The following ZFYVE28 variants were observed in gnomAD, a reference collection of about 807,000 sequenced individuals.
ZFYVE28 encodes the protein zinc finger FYVE-type containing 28.
In ZFYVE28, 40 loss-of-function variants were observed where a neutral mutation model predicts 82.1. The ratio of observed to expected loss-of-function variants is 0.49; its 90% CI spans 0.38 to 0.63. The LOEUF (loss-of-function observed/expected upper bound fraction) is 0.63. Ranked by LOEUF, ZFYVE28 falls within the 30% of genes least tolerant of loss-of-function variation. The probability of loss-of-function intolerance (pLI) is 0.00; values close to 1 mark genes in which losing one functional copy is unlikely to be tolerated. For synonymous variants in ZFYVE28, 612 were observed against 546.1 expected (o/e 1.12, Z -1.68); for missense variants, 1,321 against 1,242.1 (o/e 1.06, Z -0.96).
intron 8 of ZFYVE28, among the ~76,000 whole-genome samples, 166 bp from the exon 9 acceptor site, chr4:2,274,382 G>C (rs1376517018): frequency 6.6e-6 from 1 of 152,120 alleles, no homozygotes; most frequent in Admixed American, 6.5e-5. Context: ...CACCTAAAAT[G>C]TCCTCAGTGT....
At chr4:2,297,942 A>G (rs2108816299) in intron 8 of ZFYVE28, among the ~76,000 whole-genome samples, 1 of 134,902 alleles carries the variant, frequency 7.4e-6, no homozygotes, top group African/African-American at 2.9e-5. Flanking sequence ...ACAGCAGAGG[A>G]CGAGCAGTGA....
At chr4:2,382,994 C>T (rs1182712769) in intron 1 of ZFYVE28, among the ~76,000 whole-genome samples, 2 of 152,070 alleles carry the variant, frequency 1.3e-5, no homozygotes, top group African/African-American at 4.8e-5. Context: ...GAAAGGCCAG[C>T]CCCCATGATT....
chr4:2,305,404 G>A lies in ZFYVE28; in HGVS notation c.936C>T (p.Ala312=), dbSNP rs767345453. ...GPAALAPALS[A]PLPPEGPLSA... ...AGAGTGGCCCCTCAGGGGGGAGAGG[G>A]GCAGAGAGGGCAGGCGCCAGGGCAG... is the stretch of plus-strand genomic sequence containing the variant. Residue 312 remains alanine (A), a synonymous_variant, in exon 8 of 13, where the codon GCC becomes GCT. Coordinates refer to ENST00000290974, the MANE Select transcript of ZFYVE28 (RefSeq NM_020972.3). 4 of 1,612,782 alleles carry A rather than the reference G, an allele frequency of 2.5e-6. No homozygotes were observed. In the South Asian group the frequency reaches 3.3e-5, roughly 13 times the overall value.
chr4:2,393,227 T>C (rs552818333), intron 1 of ZFYVE28, among the ~76,000 whole-genome samples: 1 of 152,290 alleles, frequency 6.6e-6, no homozygotes, highest in East Asian at 1.9e-4. Context: ...GCATAAAAGA[T>C]CACTCCATTC....
At chr4:2,309,377 G>A (rs992347346) in intron 7 of ZFYVE28, among the ~76,000 whole-genome samples, 9 of 152,080 alleles carry the variant, frequency 5.9e-5, no homozygotes, top group South Asian at 2.1e-4. Flanking sequence ...CTGAGTCTTA[G>A]GTATTCTGTG....
intron 1 of ZFYVE28, chr4:2,364,890 G>A (rs976597765): frequency 2.5e-5 from 25 of 985,440 alleles, no homozygotes; most frequent in Non-Finnish European, 3.0e-5. Context: ...CGTGGACCCC[G>A]GAAGAGGCGG....
rs993706059 is a variant in ZFYVE28, at chr4:2,332,005, C to T, written c.701+3700G>A. The stretch of plus-strand genomic sequence containing the variant: ...AGCTGTTGACCCCCAGCGGTGCCTT[C>T]GCCACTGGGAGCCCCTCAGAAGGGG... On this transcript the variant is annotated intron_variant, in intron 6 of 12. Coordinates refer to ENST00000290974, the MANE Select transcript of ZFYVE28 (RefSeq NM_020972.3). This position sits in a 1 kb window ranked among gnomAD's most constrained non-coding sequence, Gnocchi z 4.7. Among the ~76,000 whole-genome samples the T allele has an allele frequency of 6.6e-6, 1 of 152,226 alleles. No homozygotes were observed. The highest frequency in any genetic ancestry group is 1.5e-5 in the Non-Finnish European group (1 of 68,032).
At chr4:2,355,903 CTT>C (rs1263082385) in intron 1 of ZFYVE28, among the ~76,000 whole-genome samples, 1 of 152,192 alleles carries the variant, frequency 6.6e-6, no homozygotes, top group African/African-American at 2.4e-5. Flanking sequence ...AAAAAGGACT[CTT>C]TATAATCACA....
rs976839287 is a variant in ZFYVE28 at position 2,394,229 on chromosome 4, G to A, written c.39+24056C>T. 2.0e-5 allele frequency among the ~76,000 whole-genome samples: 3 copies of A among 152,106 alleles called. No homozygotes were observed. Among genetic ancestry groups the A allele is most frequent in the African/African-American group, 7.2e-5 (3 of 41,400 alleles). ...GATCGGAAGGTCAACTGACGAGCAGGCGTAGTTCCATCTTTAACCTTTACT... is the reference window on the plus strand; with the variant it reads ...GATCGGAAGGTCAACTGACGAGCAGACGTAGTTCCATCTTTAACCTTTACT... On this transcript the variant is annotated intron_variant, in intron 1 of 12. Coordinates refer to ENST00000290974, the MANE Select transcript of ZFYVE28 (RefSeq NM_020972.3). The surrounding 1 kb of genome is among the most constrained non-coding windows in gnomAD (Gnocchi z 4.0).
intron 8 of ZFYVE28, among the ~76,000 whole-genome samples, chr4:2,297,498 G>T (rs939914965): frequency 1.3e-5 from 2 of 152,240 alleles, no homozygotes; most frequent in East Asian, 3.8e-4. Flanking sequence ...CGGGAGCGAG[G>T]TCATGAAGCG....
rs757997294 is a variant in ZFYVE28, at chr4:2,304,758, C to T, written c.1582G>A (p.Asp528Asn). ...GCCTCCTGGGTGGCGACCGCAGAGT[C>T]CAGGGAAGTGGGCGATTTGGGGTTG... ...IFNPKSPTSL[D>N]SAVATQEAAS... is the part of the protein sequence containing the mutation. The change falls in exon 8 of 13, where the codon GAC (aspartate) becomes AAC (asparagine). Residue 528 changes from aspartate to asparagine, a missense_variant. By Grantham distance (23) the Asp-to-Asn change is conservative. This residue lies in a region of ZFYVE28 where 978 missense variants were observed against 833.7 expected (regional missense o/e 1.17). Transcript: ENST00000290974. 506 of 1,612,606 alleles carry T rather than the reference C, an allele frequency of 3.1e-4. No homozygotes were observed. The highest frequency in any genetic ancestry group is 3.9e-4 in the Non-Finnish European group (466 of 1,179,958).
intron 8 of ZFYVE28, among the ~76,000 whole-genome samples, chr4:2,280,385 G>A (rs938533303): frequency 1.3e-5 from 2 of 152,140 alleles, no homozygotes; most frequent in Non-Finnish European, 2.9e-5. Context: ...GTGTGCACCT[G>A]TAGTACCAGC....
rs74965159 is a variant in ZFYVE28, at chr4:2,341,481, G to A, written c.315C>T (p.Ala105=). Residue 105 remains alanine (A), a synonymous_variant, in exon 3 of 13, where the codon GCC becomes GCT. Coordinates refer to ENST00000290974, the MANE Select transcript of ZFYVE28 (RefSeq NM_020972.3). The surrounding 1 kb of genome is among the most constrained non-coding windows in gnomAD (Gnocchi z 4.5). ...AACCCGGGTGGCCACCCGCTACCTC[G>A]GCACCGAACCACAGCTGGCCGGCCA... ...DNLAGQLWFG[A]ECLAAGSIIM... 3.7e-5 allele frequency: 59 copies of A among 1,612,546 alleles called. No homozygotes were observed. The highest frequency in any genetic ancestry group is 1.0e-4 in the Admixed American group (6 of 59,982).
At chr4:2,271,049 G>T in intron 12 of ZFYVE28, 193 bp from the exon 13 acceptor site, 1 of 845,696 alleles carries the variant, frequency 1.2e-6, no homozygotes, top group Non-Finnish European at 1.8e-6. Context: ...CACCAAGGCT[G>T]CTGCAGGCTC....
intron 1 of ZFYVE28, among the ~76,000 whole-genome samples, chr4:2,380,423 T>G (rs767939295): frequency 2.0e-5 from 3 of 152,202 alleles, no homozygotes; most frequent in Admixed American, 1.3e-4. Flanking sequence ...TAAGAATCAT[T>G]GCTTCATGAC....
At position 2,326,159 on chromosome 4, in the gene ZFYVE28, A is replaced by G. The variant is rs138771813; in HGVS notation, c.702-5888T>C. Reference sequence around the variant, plus strand: ...ACTAATGTTGTGTAGTCTTTCCCCTATGTTTTCTTCTAGTAGTTTTAGAGT... The same window carrying G: ...ACTAATGTTGTGTAGTCTTTCCCCTGTGTTTTCTTCTAGTAGTTTTAGAGT... On this transcript the variant is annotated intron_variant, in intron 6 of 12. Coordinates refer to ENST00000290974, the MANE Select transcript of ZFYVE28 (RefSeq NM_020972.3). 4.5e-4 allele frequency among the ~76,000 whole-genome samples: 68 copies of G among 152,140 alleles called. No homozygotes were observed. In the East Asian group the frequency reaches 0.013, roughly 28 times the overall value.
intron 1 of ZFYVE28, among the ~76,000 whole-genome samples, chr4:2,386,441 C>T (rs1729268426): frequency 6.6e-6 from 1 of 152,120 alleles, no homozygotes; most frequent in South Asian, 2.1e-4. Context: ...GCTGAGATCT[C>T]ACCACTGCAA....
At chr4:2,327,300 A>ATATATC (rs1720024358) in intron 6 of ZFYVE28, among the ~76,000 whole-genome samples, 1 of 85,032 alleles carries the variant, frequency 1.2e-5, no homozygotes, top group East Asian at 2.6e-4. Context: ...ATATATATAT[A>ATATATC]TATATATATC....
At chr4:2,387,059 G>A (rs115894316) in intron 1 of ZFYVE28, among the ~76,000 whole-genome samples, 29 of 101,898 alleles carry the variant, frequency 2.8e-4, no homozygotes, top group South Asian at 5.3e-4. Context: ...AGGAGACTCC[G>A]GGGCCGGGGC....
Sources: allele counts gnomAD v4.1 joint callset (sites outside exome capture counted in the v4.1 genomes callset), GRCh38; gene constraint gnomAD v4.1.1; regional missense constraint gnomAD v4.1.1; non-coding constraint Gnocchi (gnomAD v3.1); transcripts MANE v1.5; gene names NCBI Gene and HGNC (gene_info 2026-07-23, HGNC 2026-07-21).